NLK: variants seen among roughly 807,000 people sequenced by gnomAD.
NLK encodes serine/threonine-protein kinase NLK.
Under a neutral mutation model 59.0 loss-of-function variants are expected in NLK, and 11 were observed. That is an observed-to-expected ratio of 0.19 (90% CI 0.12 to 0.31). The LOEUF (loss-of-function observed/expected upper bound fraction) is 0.31. Ranked by LOEUF, NLK falls within the 10% of genes least tolerant of loss-of-function variation. The probability of loss-of-function intolerance (pLI) is 1.00; values close to 1 mark genes in which losing one functional copy is unlikely to be tolerated. For missense variants in NLK, 410 were observed against 661.1 expected, an observed-to-expected ratio of 0.62 and a Z score of 4.16; for synonymous variants, 235 against 235.9, an observed-to-expected ratio of 1.00 and a Z score of 0.03.
At chr17:28,166,132 T>G (rs1308150405) in intron 5 of NLK, among the ~76,000 whole-genome samples, 3 of 152,150 alleles carry the variant, frequency 2.0e-5, no homozygotes, top group Admixed American at 2.0e-4. Context: ...CGAGAATCAC[T>G]TGAACCTGAG....
At position 28,043,083 on chromosome 17, in the gene NLK, G is replaced by GGCAGCTGCGGCAGCCGCAGCAGCGGCT; in HGVS notation, c.219_245dup (p.Ala75_Ala83dup). On this transcript the variant is annotated inframe_insertion, in exon 1 of 11. Coordinates refer to ENST00000407008, the MANE Select transcript of NLK (RefSeq NM_016231.5). ...ACCCTGTACAGCAGCACACCTCTTCGGCAGCTGCGGCAGCCGCAGCAGCGG... is the reference window on the plus strand; with the variant it reads ...ACCCTGTACAGCAGCACACCTCTTCGGCAGCTGCGGCAGCCGCAGCAGCGGCTGCAGCTGCGGCAGCCGCAGCAGCGG... 1 of 1,572,660 alleles carries GGCAGCTGCGGCAGCCGCAGCAGCGGCT rather than the reference G, an allele frequency of 6.4e-7. No homozygotes were observed. The highest frequency in any genetic ancestry group is 1.1e-5 in the South Asian group (1 of 87,764).
At chr17:28,094,917 TTGTTTTCTC>T (rs1904646265) in intron 1 of NLK, among the ~76,000 whole-genome samples, 1 of 152,208 alleles carries the variant, frequency 6.6e-6, no homozygotes, top group East Asian at 1.9e-4. Flanking sequence ...ATTTTTTAAA[TTGTTTTCTC>T]CACAGGGCAG....
At chr17:28,052,931 C>A (rs547248124) in intron 1 of NLK, among the ~76,000 whole-genome samples, 17 of 147,868 alleles carry the variant, frequency 1.1e-4, no homozygotes, top group African/African-American at 4.0e-4. Flanking sequence ...TCTGTCACCA[C>A]ACCTGGCTAT....
intron 6 of NLK, 35 bp downstream of exon 6, chr17:28,168,692 T>A: frequency 4.0e-6 from 6 of 1,484,454 alleles, no homozygotes; most frequent in Non-Finnish European, 5.6e-6. Flanking sequence ...GTTGCAATTC[T>A]ATTGCAGATT....
intron 1 of NLK, among the ~76,000 whole-genome samples, chr17:28,058,173 A>T: frequency 6.6e-6 from 1 of 152,210 alleles, no homozygotes; most frequent in Non-Finnish European, 1.5e-5. Context: ...ACAGTTAAGG[A>T]AGTACATAGG....
intron 1 of NLK, among the ~76,000 whole-genome samples, chr17:28,045,680 C>T (rs1387106567): frequency 6.6e-6 from 1 of 152,008 alleles, no homozygotes; most frequent in East Asian, 1.9e-4. Flanking sequence ...TGTCTGAATT[C>T]CTTATTATAT....
chr17:28,074,875 G>C (rs1910118510), intron 1 of NLK, among the ~76,000 whole-genome samples: 1 of 152,190 alleles, frequency 6.6e-6, no homozygotes, highest in African/African-American at 2.4e-5. Flanking sequence ...GAAGGCAAGA[G>C]GAGGTGCCAA....
At chr17:28,128,230 C>T (rs889838277) in intron 2 of NLK, among the ~76,000 whole-genome samples, 2 of 152,026 alleles carry the variant, frequency 1.3e-5, no homozygotes, top group Admixed American at 6.6e-5. Flanking sequence ...AGATAAAACA[C>T]CCATAAAAAA....
chr17:28,109,857 A>G (rs1905385864), intron 1 of NLK, among the ~76,000 whole-genome samples: 1 of 152,202 alleles, frequency 6.6e-6, no homozygotes, highest in South Asian at 2.1e-4. Flanking sequence ...GTGGAGTTGC[A>G]GGGTCATGGT....
chr17:28,114,451 C>G (rs1257207299), intron 1 of NLK, among the ~76,000 whole-genome samples: 1 of 152,186 alleles, frequency 6.6e-6, no homozygotes. Flanking sequence ...CTGTATACAT[C>G]TGGATAAGAG....
At chr17:28,043,717 C>T (rs1023244220) in intron 1 of NLK, among the ~76,000 whole-genome samples, 1 of 152,214 alleles carries the variant, frequency 6.6e-6, no homozygotes, top group Non-Finnish European at 1.5e-5. Context: ...CTGATCCAGA[C>T]TGAATTCCTT....
At chr17:28,055,896 C>G (rs1022121936) in intron 1 of NLK, among the ~76,000 whole-genome samples, 1 of 151,470 alleles carries the variant, frequency 6.6e-6, no homozygotes, top group African/African-American at 2.4e-5. Flanking sequence ...CATTCAAATT[C>G]TAGAATGCTT....
At chr17:28,162,108 C>G (rs1421894974) in intron 4 of NLK, among the ~76,000 whole-genome samples, 1 of 152,100 alleles carries the variant, frequency 6.6e-6, no homozygotes, top group African/African-American at 2.4e-5. Context: ...ATTCGCCTCC[C>G]AGGTTCACGC....
chr17:28,087,495 G>A lies in NLK; in HGVS notation c.459-35108G>A, dbSNP rs140081941. Among the ~76,000 whole-genome samples, 719 of 152,258 alleles carry A rather than the reference G, an allele frequency of 4.7e-3. 17 individuals are homozygous for A. Among genetic ancestry groups the A allele is most frequent in the Admixed American group, 0.036 (544 of 15,288 alleles). ...GTATAGAGGGATGTAAATCAGAATAGAAGATCATTATCTCGCCAATGGGAA... is the reference window on the plus strand; with the variant it reads ...GTATAGAGGGATGTAAATCAGAATAAAAGATCATTATCTCGCCAATGGGAA... On this transcript the variant is annotated intron_variant, in intron 1 of 10. Transcript: ENST00000407008.
At chr17:28,183,890 G>C (rs982084175) in intron 7 of NLK, among the ~76,000 whole-genome samples, 2 of 152,174 alleles carry the variant, frequency 1.3e-5, no homozygotes, top group Non-Finnish European at 2.9e-5. Flanking sequence ...GGGAAGAAAA[G>C]GAGTCTCTAA....
At chr17:28,176,184 T>G (rs1451488916) in intron 7 of NLK, among the ~76,000 whole-genome samples, 1 of 152,242 alleles carries the variant, frequency 6.6e-6, no homozygotes, top group Admixed American at 6.5e-5. Flanking sequence ...TTGGGAGGTC[T>G]TCATTTGGGG....
intron 3 of NLK, among the ~76,000 whole-genome samples, chr17:28,159,025 G>A (rs1263618151): frequency 6.6e-6 from 1 of 152,126 alleles, no homozygotes; most frequent in African/African-American, 2.4e-5. Flanking sequence ...GAGTGGTTGA[G>A]GTAGGCCTCA....
At chr17:28,063,151 CA>C (rs1252618071) in intron 1 of NLK, among the ~76,000 whole-genome samples, 1 of 152,120 alleles carries the variant, frequency 6.6e-6, no homozygotes, top group Non-Finnish European at 1.5e-5. Flanking sequence ...AGGCTGTTCT[CA>C]AACTCTTGGG....
chr17:28,163,465 T>C, intron 4 of NLK, 78 bp from the exon 5 acceptor site: 1 of 838,262 alleles, frequency 1.2e-6, no homozygotes, highest in South Asian at 1.6e-5. Flanking sequence ...TCTACTGTTT[T>C]CTTCCAAGGT....
Sources: allele counts gnomAD v4.1 joint callset (sites outside exome capture counted in the v4.1 genomes callset), GRCh38; gene constraint gnomAD v4.1.1; transcripts MANE v1.5; gene names NCBI Gene and HGNC (gene_info 2026-07-23, HGNC 2026-07-21).